Variants in KIF26B observed in about 807,000 individuals in gnomAD.
The protein encoded by KIF26B is kinesin-like protein KIF26B.
Under a neutral mutation model 151.2 loss-of-function variants are expected in KIF26B, and 63 were observed. The ratio of observed to expected loss-of-function variants is 0.42; its 90% CI spans 0.34 to 0.51. The LOEUF is 0.51. Ranked by LOEUF, KIF26B falls within the 20% of genes least tolerant of loss-of-function variation. The pLI, the probability that KIF26B is intolerant of heterozygous loss-of-function variation, is 0.07. For missense variants in KIF26B, 2,813 were observed against 2,913.6 expected (o/e 0.97, Z 0.79); for synonymous variants, 1,357 against 1,262.1 (o/e 1.08, Z -1.59).
intron 9 of KIF26B, among the ~76,000 whole-genome samples, chr1:245,628,947 C>G (rs554773789): frequency 6.6e-6 from 1 of 152,168 alleles, no homozygotes; most frequent in Non-Finnish European, 1.5e-5. Context: ...CATTCCTATA[C>G]ACCAACAACA....
rs148583065 is a variant in KIF26B at position 245,211,126 on chromosome 1, C to T, written c.465+54443C>T. Among the ~76,000 whole-genome samples, 947 of 152,156 alleles carry T rather than the reference C, an allele frequency of 6.2e-3. 10 individuals are homozygous for T. Among genetic ancestry groups the T allele is most frequent in the African/African-American group, 0.021 (854 of 41,506 alleles). Reference sequence around the variant, plus strand: ...GAGACTAGCCAACTGTTGCTGAACGCGATATTCTTTTGTGAATAAAAAGGC... The same window carrying T: ...GAGACTAGCCAACTGTTGCTGAACGTGATATTCTTTTGTGAATAAAAAGGC... On this transcript the variant is annotated intron_variant, in intron 2 of 14. Coordinates refer to ENST00000407071, the MANE Select transcript of KIF26B (RefSeq NM_018012.4).
At chr1:245,340,726 A>G (rs1174127919) in intron 2 of KIF26B, among the ~76,000 whole-genome samples, 2 of 152,214 alleles carry the variant, frequency 1.3e-5, no homozygotes, top group African/African-American at 4.8e-5. Context: ...ACAACTCTTT[A>G]TCTAATGAGT....
intron 10 of KIF26B, among the ~76,000 whole-genome samples, chr1:245,659,548 ATATTTG>A (rs1475668076): frequency 6.6e-6 from 1 of 152,208 alleles, no homozygotes; most frequent in Non-Finnish European, 1.5e-5. Context: ...TAGCAAACAT[ATATTTG>A]CTCTACCGGG....
intron 3 of KIF26B, among the ~76,000 whole-genome samples, chr1:245,380,086 T>C (rs1379054494): frequency 6.6e-6 from 1 of 152,212 alleles, no homozygotes; most frequent in Admixed American, 6.5e-5. Context: ...CATGCCTTTA[T>C]CTTATAGAGG....
intron 4 of KIF26B, among the ~76,000 whole-genome samples, chr1:245,534,077 A>C (rs546502458): frequency 6.6e-6 from 1 of 152,262 alleles, no homozygotes; most frequent in South Asian, 2.1e-4. Flanking sequence ...ACTCAGAGGG[A>C]AGACTGAGCT....
chr1:245,539,899 T>C lies in KIF26B; in HGVS notation c.1167-868T>C, dbSNP rs530415863. 7.2e-5 allele frequency among the ~76,000 whole-genome samples: 11 copies of C among 152,296 alleles called. No homozygotes were observed. The South Asian group carries it at 8.3e-4, about 11-fold the overall frequency. The stretch of plus-strand genomic sequence containing the variant: ...AACTCCTGACCTCAGGTGAGCTGCC[T>C]GCCTCGGCCTCCCAAAGTGCTGGGA... On this transcript the variant is annotated intron_variant, in intron 4 of 14. Coordinates refer to ENST00000407071, the MANE Select transcript of KIF26B (RefSeq NM_018012.4).
At position 245,564,893 on chromosome 1, in the gene KIF26B, G is replaced by T. The variant is rs895901515; in HGVS notation, c.1350+23943G>T. On this transcript the variant is annotated intron_variant, in intron 5 of 14. Coordinates refer to ENST00000407071, the MANE Select transcript of KIF26B (RefSeq NM_018012.4). This position sits in a 1 kb window ranked among gnomAD's most constrained non-coding sequence, Gnocchi z 4.6. ...GTTTGTGCTTCCATGAGAATCTAAT[G>T]CTGCTGCTGATCTGACGGGAGGCAG... Among the ~76,000 whole-genome samples, 2 of 152,178 alleles carry T rather than the reference G, an allele frequency of 1.3e-5. No individual in the cohort carries two copies. Among genetic ancestry groups the T allele is most frequent in the African/African-American group, 4.8e-5 (2 of 41,458 alleles).
chr1:245,203,973 A>G (rs923145829), intron 2 of KIF26B, among the ~76,000 whole-genome samples: 9 of 152,218 alleles, frequency 5.9e-5, no homozygotes, highest in African/African-American at 1.9e-4. Context: ...CTTGAATATA[A>G]TTAGGAACTA....
At chr1:245,276,484 T>A (rs190718641) in intron 2 of KIF26B, among the ~76,000 whole-genome samples, 2 of 152,216 alleles carry the variant, frequency 1.3e-5, no homozygotes, top group African/African-American at 4.8e-5. Context: ...TACATGCTGA[T>A]CTAAACCATT....
intron 3 of KIF26B, among the ~76,000 whole-genome samples, chr1:245,374,763 G>T (rs986582162): frequency 6.6e-6 from 1 of 152,062 alleles, no homozygotes; most frequent in African/African-American, 2.4e-5. Flanking sequence ...TTATGAACAT[G>T]GAAAAAAGAA....
chr1:245,481,913 G>A (rs993018112), intron 4 of KIF26B, among the ~76,000 whole-genome samples: 3 of 151,612 alleles, frequency 2.0e-5, no homozygotes, highest in East Asian at 3.9e-4. Context: ...GCACAGCAGC[G>A]TCTAACCGAT....
chr1:245,524,857 T>C (rs1346672003), intron 4 of KIF26B, among the ~76,000 whole-genome samples: 1 of 152,184 alleles, frequency 6.6e-6, no homozygotes, highest in Non-Finnish European at 1.5e-5. Context: ...TGCTCCGTGT[T>C]TCCTCTGATT....
chr1:245,246,507 G>C (rs1670333094), intron 2 of KIF26B, among the ~76,000 whole-genome samples: 2 of 152,160 alleles, frequency 1.3e-5, no homozygotes, highest in African/African-American at 4.8e-5. Context: ...CCACCACCCA[G>C]GCCCTGCCTC....
intron 10 of KIF26B, 33 bp from the exon 11 acceptor site, chr1:245,684,200 C>A: frequency 6.3e-7 from 1 of 1,596,478 alleles, no homozygotes; most frequent in East Asian, 2.2e-5. Context: ...GAAGCATGGC[C>A]GCTAATGCAG....
intron 2 of KIF26B, among the ~76,000 whole-genome samples, chr1:245,245,246 T>C (rs1219262360): frequency 1.3e-5 from 2 of 152,208 alleles, no homozygotes; most frequent in African/African-American, 2.4e-5. Flanking sequence ...CTAATCTGCC[T>C]GTTTGTCTCT....
chr1:245,652,526 A>G (rs1265405873), intron 10 of KIF26B, among the ~76,000 whole-genome samples: 1 of 152,012 alleles, frequency 6.6e-6, no homozygotes, highest in East Asian at 1.9e-4. Context: ...CTTCATATTT[A>G]GCTATAGAAA....
chr1:245,400,488 G>GTTTTTTTTTTTTTTTTTTT (rs11407193), intron 3 of KIF26B, among the ~76,000 whole-genome samples: 1 of 123,864 alleles, frequency 8.1e-6, no homozygotes. Flanking sequence ...TAGATAGTGA[G>GTTTTTTTTTTTTTTTTTTT]TTTTTTTTTT....
chr1:245,405,223 G>A (rs1674105501), intron 3 of KIF26B, among the ~76,000 whole-genome samples: 1 of 152,214 alleles, frequency 6.6e-6, no homozygotes, highest in African/African-American at 2.4e-5. Flanking sequence ...TAGGAATGAT[G>A]TGAAAGTCTA....
chr1:245,672,539 T>C (rs2044301178), intron 10 of KIF26B, among the ~76,000 whole-genome samples: 1 of 152,236 alleles, frequency 6.6e-6, no homozygotes, highest in African/African-American at 2.4e-5. Context: ...ACACAAGGCG[T>C]GCCCACTGAC....
Sources: gnomAD v4.1 joint callset for allele counts (sites outside exome capture counted in the v4.1 genomes callset) on GRCh38, gnomAD v4.1.1 for gene constraint, Gnocchi (gnomAD v3.1) non-coding constraint, MANE v1.5 for transcripts, NCBI Gene and HGNC (gene_info 2026-07-23, HGNC 2026-07-21) for gene names.